CLRN1: variants seen among roughly 807,000 people sequenced by gnomAD.
CLRN1 encodes clarin-1.
Under a neutral mutation model 18.7 loss-of-function variants are expected in CLRN1, and 15 were observed. That is an observed-to-expected ratio of 0.80 (90% confidence interval 0.54 to 1.23). CLRN1 has a LOEUF of 1.23. Among genes scored for constraint, CLRN1 ranks in the 50% most tolerant of loss-of-function variants. The pLI is 0.00. For synonymous variants in CLRN1, 104 were observed against 102.9 expected (o/e 1.01, Z -0.07); for missense variants, 311 against 277.5 (o/e 1.12, Z -0.86).
At chr3:150,930,587 C>T (rs1034923752) in intron 2 of CLRN1, among the ~76,000 whole-genome samples, 2 of 152,140 alleles carry the variant, frequency 1.3e-5, no homozygotes, top group African/African-American at 4.8e-5. Context: ...TCTCCCCTGG[C>T]AAAACCGTAT....
chr3:150,947,050 T>G (rs1379056938), intron 1 of CLRN1, among the ~76,000 whole-genome samples: 1 of 152,064 alleles, frequency 6.6e-6, no homozygotes, highest in African/African-American at 2.4e-5. Context: ...TTATCATTGT[T>G]ATAGATTTTA....
chr3:150,948,103 AGGAGCT>A (rs1263743758), intron 1 of CLRN1, among the ~76,000 whole-genome samples: 1 of 152,230 alleles, frequency 6.6e-6, no homozygotes, highest in Non-Finnish European at 1.5e-5. Flanking sequence ...CAAGAAATCC[AGGAGCT>A]GGTTTTTTGA....
At chr3:150,957,689 C>T (rs1049451230) in intron 1 of CLRN1, among the ~76,000 whole-genome samples, 11 of 152,122 alleles carry the variant, frequency 7.2e-5, no homozygotes, top group Admixed American at 2.0e-4. Context: ...GACGGAGTCT[C>T]GCTCTGTCGC....
chr3:150,937,792 C>G lies in CLRN1; in HGVS notation c.433+3790G>C, dbSNP rs905183914. Among the ~76,000 whole-genome samples, 14 of 152,112 alleles carry G rather than the reference C, an allele frequency of 9.2e-5. 1 individual carries two copies. The highest frequency in any genetic ancestry group is 3.4e-4 in the African/African-American group (14 of 41,420). ...GTTCAAGAGGCAACAGAATATGAAG[C>G]CATAAGTATGAGCCAGCTGTGTGAC... On this transcript the variant is annotated intron_variant, in intron 2 of 2. Transcript: ENST00000327047.
chr3:150,952,194 A>G (rs746526391), intron 1 of CLRN1, among the ~76,000 whole-genome samples: 1 of 152,168 alleles, frequency 6.6e-6, no homozygotes, highest in Non-Finnish European at 1.5e-5. Context: ...ATTTTTCAAC[A>G]TCATGATGGT....
intron 1 of CLRN1, chr3:150,943,688 C>T (rs1043768869): frequency 8.8e-6 from 13 of 1,474,730 alleles, no homozygotes; most frequent in Admixed American, 1.7e-5. Context: ...CCCTCACAGG[C>T]AGAGGGCAGC....
chr3:150,928,620 C>T (rs966546348), intron 2 of CLRN1, among the ~76,000 whole-genome samples: 2 of 152,176 alleles, frequency 1.3e-5, no homozygotes, highest in African/African-American at 4.8e-5. Flanking sequence ...ACTTCACAGG[C>T]CATGCAGGAT....
intron 1 of CLRN1, chr3:150,944,073 C>T (rs1714022854): frequency 2.9e-6 from 2 of 680,714 alleles, no homozygotes; most frequent in Non-Finnish European, 5.0e-6. Flanking sequence ...TGAGTGATCT[C>T]TGAGTGGATG....
rs140844904 is a variant in CLRN1 at position 150,951,694 on chromosome 3, T to A, written c.254-9933A>T. Among the ~76,000 whole-genome samples, 4 of 152,296 alleles carry A rather than the reference T, an allele frequency of 2.6e-5. No homozygotes were observed. The East Asian group carries it at 7.7e-4, about 29-fold the overall frequency. ...TTAATTGGCTCACAGTTCTCCAGGC[T>A]GTACGTGGCAGCATTAGCTTCTAGG... On this transcript the variant is annotated intron_variant, in intron 1 of 2. Transcript: ENST00000327047.
intron 1 of CLRN1, among the ~76,000 whole-genome samples, chr3:150,959,911 A>G (rs1441234245): frequency 6.6e-6 from 1 of 152,212 alleles, no homozygotes; most frequent in Non-Finnish European, 1.5e-5. Flanking sequence ...AAATCCTAGT[A>G]AATTCAACCT....
intron 1 of CLRN1, among the ~76,000 whole-genome samples, chr3:150,967,109 C>T (rs575135313): frequency 2.6e-5 from 4 of 152,136 alleles, no homozygotes; most frequent in South Asian, 2.1e-4. Flanking sequence ...GTTTACCAAA[C>T]GTTTATTAAG....
intron 1 of CLRN1, among the ~76,000 whole-genome samples, chr3:150,948,833 G>A (rs1260141820): frequency 6.6e-6 from 1 of 152,088 alleles, no homozygotes; most frequent in African/African-American, 2.4e-5. Context: ...AATTGAGGAG[G>A]AGGAACTCCT....
At chr3:150,943,882 T>C in intron 1 of CLRN1, 1 of 1,614,108 alleles carries the variant, frequency 6.2e-7, no homozygotes, top group Non-Finnish European at 8.5e-7. Flanking sequence ...AGCCAGCTGG[T>C]TCCTGCACTC....
intron 1 of CLRN1, among the ~76,000 whole-genome samples, chr3:150,965,442 A>G (rs1715217537): frequency 6.6e-6 from 1 of 152,220 alleles, no homozygotes; most frequent in Non-Finnish European, 1.5e-5. Flanking sequence ...TATTAATTAT[A>G]GTAATTCAAT....
chr3:150,957,900 A>G (rs1043657999), intron 1 of CLRN1, among the ~76,000 whole-genome samples: 1 of 151,850 alleles, frequency 6.6e-6, no homozygotes, highest in African/African-American at 2.4e-5. Flanking sequence ...CTTGTTTGTG[A>G]TCTACCCACT....
At chr3:150,933,173 T>C (rs1393382304) in intron 2 of CLRN1, among the ~76,000 whole-genome samples, 1 of 152,208 alleles carries the variant, frequency 6.6e-6, no homozygotes, top group Non-Finnish European at 1.5e-5. Flanking sequence ...TCAACAACTA[T>C]TTATTGAGTG....
intron 1 of CLRN1, among the ~76,000 whole-genome samples, chr3:150,959,082 C>G (rs1388153333): frequency 6.6e-6 from 1 of 152,202 alleles, no homozygotes; most frequent in Non-Finnish European, 1.5e-5. Flanking sequence ...TAAAACATGA[C>G]CCAGCCCATC....
At chr3:150,970,303 G>GA (rs1715468407) in intron 1 of CLRN1, among the ~76,000 whole-genome samples, 1 of 152,156 alleles carries the variant, frequency 6.6e-6, no homozygotes, top group Non-Finnish European at 1.5e-5. Flanking sequence ...ATTCTGAATG[G>GA]AAAAAACGTG....
Position 150,926,794 on chromosome 3 carries a change from T to C in CLRN1, c.*1142A>G. 2 of 1,614,036 alleles carry C rather than the reference T, an allele frequency of 1.2e-6. No homozygotes were observed. The highest frequency in any genetic ancestry group is 1.7e-6 in the Non-Finnish European group (2 of 1,180,002). ...CTGTTTGCTGTCATTCTCTGCTTTT[T>C]CCTTGGTGCTTTCTGGAGGACAGCA... On this transcript the variant is annotated 3_prime_UTR_variant, in exon 3 of 3. Transcript: ENST00000327047.
Sources: allele counts gnomAD v4.1 joint callset (sites outside exome capture counted in the v4.1 genomes callset), GRCh38; gene constraint gnomAD v4.1.1; transcripts MANE v1.5; gene names NCBI Gene and HGNC (gene_info 2026-07-23, HGNC 2026-07-21).